Variants in PLEKHH2 observed in about 807,000 individuals in gnomAD.
PLEKHH2 encodes pleckstrin homology, MyTH4 and FERM domain containing H2.
In PLEKHH2, 129 loss-of-function variants were observed where a neutral mutation model predicts 187.9. The observed-to-expected ratio is 0.69, with a 90% CI of 0.59 to 0.79. The LOEUF (loss-of-function observed/expected upper bound fraction) is 0.79. PLEKHH2 is among the 30% of genes least tolerant of loss of function. PLEKHH2 has a pLI of 0.00. For synonymous variants in PLEKHH2, 686 were observed against 605.6 expected (o/e 1.13, Z -1.95); for missense variants, 2,076 against 1,751.2 (o/e 1.19, Z -3.31).
intron 7 of PLEKHH2, among the ~76,000 whole-genome samples, chr2:43,698,326 C>A (rs778547040): frequency 6.6e-6 from 1 of 151,208 alleles, no homozygotes; most frequent in South Asian, 2.1e-4. Context: ...CAGCTCACTG[C>A]GGCCTTGACC....
Position 43,720,769 on chromosome 2 carries a change from A to G in PLEKHH2, c.2541+20A>G, listed in dbSNP as rs1670441742. 6.3e-7 allele frequency: 1 copy of G among 1,588,162 alleles called. No individual in the cohort carries two copies. The highest frequency in any genetic ancestry group is 8.5e-7 in the Non-Finnish European group (1 of 1,172,522). ...GATAAGGTATGTATGTATTTTTAAT[A>G]TGCCAATTGAAGTAACTTTTTGTGT... On this transcript the variant is annotated intron_variant, in intron 16 of 29. Transcript: ENST00000282406.
At chr2:43,731,710 A>T in intron 19 of PLEKHH2, 108 bp downstream of exon 19, 1 of 672,332 alleles carries the variant, frequency 1.5e-6, no homozygotes. Context: ...ATTTTACTCC[A>T]AGAAAATTCA....
chr2:43,750,066 G>A (rs977597896), intron 24 of PLEKHH2, among the ~76,000 whole-genome samples: 2 of 152,128 alleles, frequency 1.3e-5, no homozygotes, highest in Non-Finnish European at 2.9e-5. Flanking sequence ...TAAGAGCCAA[G>A]GCATGTTTTT....
intron 24 of PLEKHH2, among the ~76,000 whole-genome samples, chr2:43,751,131 C>T (rs1671994525): frequency 6.6e-6 from 1 of 152,130 alleles, no homozygotes; most frequent in Non-Finnish European, 1.5e-5. Flanking sequence ...TAAATGTTGG[C>T]AATTGTAAAG....
chr2:43,688,928 T>G (rs1023671181), intron 3 of PLEKHH2, among the ~76,000 whole-genome samples: 8 of 152,176 alleles, frequency 5.3e-5, no homozygotes, highest in Admixed American at 4.6e-4. Context: ...GTCTGAAATA[T>G]CCACCTGACT....
At chr2:43,741,739 C>T (rs1671571135) in intron 21 of PLEKHH2, among the ~76,000 whole-genome samples, 1 of 152,188 alleles carries the variant, frequency 6.6e-6, no homozygotes. Flanking sequence ...TGACCAAGGT[C>T]AGGTAATTTC....
At chr2:43,674,004 T>C (rs1241125373) in intron 2 of PLEKHH2, among the ~76,000 whole-genome samples, 1 of 152,156 alleles carries the variant, frequency 6.6e-6, no homozygotes, top group Non-Finnish European at 1.5e-5. Flanking sequence ...TATTTGGCAG[T>C]GGTAAAAATA....
At chr2:43,666,790 T>G (rs1667240135) in intron 2 of PLEKHH2, among the ~76,000 whole-genome samples, 1 of 152,220 alleles carries the variant, frequency 6.6e-6, no homozygotes, top group African/African-American at 2.4e-5. Flanking sequence ...TTTAGCATTT[T>G]TAAAAATGGG....
intron 19 of PLEKHH2, among the ~76,000 whole-genome samples, chr2:43,731,884 T>C (rs949206816): frequency 3.3e-5 from 5 of 152,190 alleles, no homozygotes; most frequent in Non-Finnish European, 7.3e-5. Context: ...TAACCTCTAA[T>C]TTTCCACATC....
intron 2 of PLEKHH2, among the ~76,000 whole-genome samples, chr2:43,666,051 T>C (rs1403054522): frequency 6.7e-6 from 1 of 149,132 alleles, no homozygotes; most frequent in East Asian, 1.9e-4. Context: ...GCCTGGGCAA[T>C]GGCGGGCTCC....
intron 29 of PLEKHH2, 110 bp downstream of exon 29, chr2:43,764,475 G>C: frequency 8.9e-7 from 1 of 1,124,708 alleles, no homozygotes. Context: ...CATTTATTCA[G>C]CAAAGACTGC....
intron 3 of PLEKHH2, among the ~76,000 whole-genome samples, chr2:43,687,819 C>G (rs954831024): frequency 2.0e-5 from 3 of 151,660 alleles, no homozygotes; most frequent in African/African-American, 7.3e-5. Context: ...TTTTTCAAGA[C>G]AGGGTCTTCC....
chr2:43,743,696 T>C (rs1671663595), intron 22 of PLEKHH2, 138 bp from the exon 23 acceptor site: 3 of 822,640 alleles, frequency 3.6e-6, no homozygotes, highest in Admixed American at 3.5e-5. Flanking sequence ...CAGAGGAGCT[T>C]TGGGAAAAAA....
intron 3 of PLEKHH2, among the ~76,000 whole-genome samples, chr2:43,682,587 G>A (rs188356830): frequency 1.1e-4 from 16 of 152,262 alleles, no homozygotes; most frequent in African/African-American, 3.9e-4. Flanking sequence ...TTACAGGCAT[G>A]AGCCACCGTG....
chr2:43,704,662 T>TAAAAAA (rs70965318), intron 9 of PLEKHH2, among the ~76,000 whole-genome samples: 13,508 of 83,642 alleles, frequency 0.16, 1,531 homozygotes, highest in Non-Finnish European at 0.24. Flanking sequence ...GATTCTGTCT[T>TAAAAAA]AAAAAAAAAA....
intron 4 of PLEKHH2, among the ~76,000 whole-genome samples, chr2:43,693,636 G>A (rs1219586939): frequency 2.3e-4 from 34 of 146,670 alleles, no homozygotes; most frequent in Admixed American, 2.2e-3. Context: ...ACGCAGGAGA[G>A]CGGCGTGAAC....
intron 2 of PLEKHH2, among the ~76,000 whole-genome samples, chr2:43,666,231 G>T (rs1255943170): frequency 6.6e-6 from 1 of 150,708 alleles, no homozygotes; most frequent in Non-Finnish European, 1.5e-5. Flanking sequence ...GGAGTGACCC[G>T]ATTTTCCAGG....
At chr2:43,738,280 T>G in intron 19 of PLEKHH2, 61 bp from the exon 20 acceptor site, 1 of 1,342,056 alleles carries the variant, frequency 7.5e-7, no homozygotes, top group Non-Finnish European at 1.0e-6. Flanking sequence ...TTCGATATAA[T>G]TCATGCAGAA....
rs897782784 is a variant in PLEKHH2, at chr2:43,766,879, T to G, written c.*1281T>G. ...TCCCAAAGTGCTGGGATTGCAGGCA[T>G]GAGCCACCGTGCCCAGCCTCAAAAA... On this transcript the variant is annotated 3_prime_UTR_variant, in exon 30 of 30. Coordinates refer to ENST00000282406, the MANE Select transcript of PLEKHH2 (RefSeq NM_172069.4). The G allele has an allele frequency of 6.6e-6, 1 of 152,422 alleles. No individual in the cohort carries two copies. The highest frequency in any genetic ancestry group is 1.5e-5 in the Non-Finnish European group (1 of 68,074). 9.4% of individuals were successfully genotyped at this position (152,422 alleles called of 1,614,324 possible). A position where few individuals can be genotyped will look rare whatever the true frequency, so the allele number is the denominator to read the frequency against.
Sources: allele counts gnomAD v4.1 joint callset (sites outside exome capture counted in the v4.1 genomes callset), GRCh38; gene constraint gnomAD v4.1.1; transcripts MANE v1.5; gene names NCBI Gene and HGNC (gene_info 2026-07-23, HGNC 2026-07-21).